Variants in TMEM38B observed in about 807,000 individuals in gnomAD.
TMEM38B encodes the protein transmembrane protein 38B, also known as trimeric intracellular cation channel type B.
In TMEM38B, 24 loss-of-function variants were observed where a neutral mutation model predicts 28.7. That is an observed-to-expected ratio of 0.84 (90% CI 0.61 to 1.18). The LOEUF is 1.18. Ranked by LOEUF, TMEM38B falls within the 50% of genes most tolerant of loss-of-function variation. The pLI is 0.00. For synonymous variants in TMEM38B, 131 were observed against 127.7 expected, an observed-to-expected ratio of 1.03 and a Z score of -0.17; for missense variants, 380 against 350.9, an observed-to-expected ratio of 1.08 and a Z score of -0.66.
Position 105,773,896 on chromosome 9 carries a change from T to TGAC in TMEM38B, c.693_695dup (p.Thr232dup). The TGAC allele has an allele frequency of 6.2e-7, 1 of 1,613,710 alleles. No homozygotes were observed. The highest frequency in any genetic ancestry group is 1.1e-5 in the South Asian group (1 of 91,076). ...ATGATGACTACACAGACTTCTACTA[T>TGAC]GACATTTGCTCCTTTTGAGGATACA... is the stretch of plus-strand genomic sequence containing the variant. On this transcript the variant is annotated inframe_insertion, in exon 6 of 6. Coordinates refer to ENST00000374692, the MANE Select transcript of TMEM38B (RefSeq NM_018112.3).
intron 4 of TMEM38B, among the ~76,000 whole-genome samples, chr9:105,733,421 C>CT (rs71306454): frequency 0.015 from 1,864 of 127,804 alleles, 50 homozygotes; most frequent in African/African-American, 0.035. Flanking sequence ...TTTCTTTTTT[C>CT]TTTTTTTTTT....
At chr9:105,732,420 T>C (rs867906319) in intron 4 of TMEM38B, among the ~76,000 whole-genome samples, 3 of 152,224 alleles carry the variant, frequency 2.0e-5, no homozygotes, top group Non-Finnish European at 4.4e-5. Context: ...TAGGTTTTCT[T>C]CCAGGGATTT....
intron 5 of TMEM38B, chr9:105,760,278 G>A (rs1381245463): frequency 2.5e-6 from 2 of 784,336 alleles, no homozygotes; most frequent in African/African-American, 3.4e-5. Flanking sequence ...CTCGATGTGT[G>A]CTATGCTGTG....
intron 5 of TMEM38B, among the ~76,000 whole-genome samples, chr9:105,749,538 A>C (rs1837568032): frequency 6.6e-6 from 1 of 152,190 alleles, no homozygotes; most frequent in Admixed American, 6.5e-5. Context: ...TTGAGAGTGG[A>C]GATATGAGTG....
chr9:105,759,375 GAAA>G, intron 5 of TMEM38B: 1 of 1,400,270 alleles, frequency 7.1e-7, no homozygotes, highest in East Asian at 2.3e-5. Flanking sequence ...GCTTCATAGA[GAAA>G]AAAGAAGAAT....
intron 5 of TMEM38B, chr9:105,760,222 C>T (rs949623822): frequency 2.3e-6 from 2 of 876,140 alleles, no homozygotes; most frequent in African/African-American, 1.6e-5. Flanking sequence ...TATGTCCAAA[C>T]TTCATGATGC....
chr9:105,746,069 T>C (rs1588448080), intron 4 of TMEM38B, among the ~76,000 whole-genome samples: 1 of 152,216 alleles, frequency 6.6e-6, no homozygotes, highest in Non-Finnish European at 1.5e-5. Context: ...TGCGGGCTCT[T>C]TTTTGTTTAC....
chr9:105,737,462 G>T (rs1238112017), intron 4 of TMEM38B, among the ~76,000 whole-genome samples: 1 of 152,172 alleles, frequency 6.6e-6, no homozygotes. Flanking sequence ...AGTTTTGTCA[G>T]GCCATGTGCA....
At chr9:105,745,793 A>C (rs1045977666) in intron 4 of TMEM38B, among the ~76,000 whole-genome samples, 1 of 152,088 alleles carries the variant, frequency 6.6e-6, no homozygotes, top group South Asian at 2.1e-4. Context: ...TCAGTTTTCT[A>C]CATATGGCTA....
At chr9:105,758,766 C>T (rs1463554738) in intron 5 of TMEM38B, 9 of 769,200 alleles carry the variant, frequency 1.2e-5, no homozygotes, top group Non-Finnish European at 2.1e-5. Flanking sequence ...TCATAGAACT[C>T]CTAAAAAGCA....
At chr9:105,747,361 T>A (rs10816317) in intron 4 of TMEM38B, among the ~76,000 whole-genome samples, 49 of 147,936 alleles carry the variant, frequency 3.3e-4, no homozygotes, top group African/African-American at 1.2e-3. Context: ...AGTTTATTTG[T>A]GTAGAGGTGT....
chr9:105,728,821 C>G (rs1205520771), intron 4 of TMEM38B, among the ~76,000 whole-genome samples: 1 of 152,142 alleles, frequency 6.6e-6, no homozygotes, highest in Admixed American at 6.6e-5. Context: ...GCATTTCTCT[C>G]ATGACCAGTG....
rs532954854 is a variant in TMEM38B at position 105,752,386 on chromosome 9, C to A, written c.660+4196C>A. Among the ~76,000 whole-genome samples, 35 of 152,308 alleles carry A rather than the reference C, an allele frequency of 2.3e-4. No homozygotes were observed. In the Middle Eastern group the frequency reaches 0.01, roughly 44 times the overall value. On this transcript the variant is annotated intron_variant, in intron 5 of 5. Transcript: ENST00000374692. Reference sequence around the variant, plus strand: ...CTCCTGACTGGGTGAGACCTCCCAACAGGGATCTGTAACCACCTCCTACAG... The same window carrying A: ...CTCCTGACTGGGTGAGACCTCCCAAAAGGGATCTGTAACCACCTCCTACAG...
intron 4 of TMEM38B, among the ~76,000 whole-genome samples, chr9:105,723,436 T>G (rs1365767574): frequency 6.6e-6 from 1 of 151,898 alleles, no homozygotes; most frequent in Admixed American, 6.6e-5. Flanking sequence ...AGACAGGGTT[T>G]TATTCTGTCA....
At chr9:105,752,433 G>C (rs1488398054) in intron 5 of TMEM38B, among the ~76,000 whole-genome samples, 1 of 152,176 alleles carries the variant, frequency 6.6e-6, no homozygotes, top group African/African-American at 2.4e-5. Flanking sequence ...CTGGCAGCAG[G>C]TCAGAACCCA....
chr9:105,749,220 A>T, intron 5 of TMEM38B: 1 of 712,240 alleles, frequency 1.4e-6, no homozygotes, highest in Non-Finnish European at 2.0e-6. Context: ...TATTTTCCAT[A>T]CTGTGTTAGT....
intron 5 of TMEM38B, among the ~76,000 whole-genome samples, chr9:105,751,671 A>C (rs1199586812): frequency 6.6e-6 from 1 of 152,234 alleles, no homozygotes; most frequent in Non-Finnish European, 1.5e-5. Flanking sequence ...ATAGGCTGGA[A>C]TATGTCTGAG....
Position 105,710,347 on chromosome 9 carries a change from A to G in TMEM38B, c.269+4594A>G. Reference sequence around the variant, plus strand: ...GTGGTCTTCCAGCCAGTCTATTTCTAGGATTATATGATCTTCTATAGTTGT... The same window carrying G: ...GTGGTCTTCCAGCCAGTCTATTTCTGGGATTATATGATCTTCTATAGTTGT... On this transcript the variant is annotated intron_variant, in intron 2 of 5. Coordinates refer to ENST00000374692, the MANE Select transcript of TMEM38B (RefSeq NM_018112.3). 7 of 725,458 alleles carry G rather than the reference A, an allele frequency of 9.6e-6. No homozygotes were observed. In the South Asian group the frequency reaches 1.1e-4, roughly 12 times the overall value. The allele number at this position is 725,458 out of a possible 1,614,324, so 44.9% of individuals were successfully genotyped here. A position where few individuals can be genotyped will look rare whatever the true frequency, so the allele number is the denominator to read the frequency against.
At chr9:105,747,014 CA>C (rs1450528753) in intron 4 of TMEM38B, among the ~76,000 whole-genome samples, 1 of 152,136 alleles carries the variant, frequency 6.6e-6, no homozygotes, top group Non-Finnish European at 1.5e-5. Flanking sequence ...CGATGTTCAT[CA>C]GGGGTATTGG....
Sources: gnomAD v4.1 joint callset for allele counts (sites outside exome capture counted in the v4.1 genomes callset) on GRCh38, gnomAD v4.1.1 for gene constraint, MANE v1.5 for transcripts, NCBI Gene and HGNC (gene_info 2026-07-23, HGNC 2026-07-21) for gene names.